SLC37A3: variants seen among roughly 807,000 people sequenced by gnomAD.
SLC37A3 encodes the protein sugar phosphate exchanger 3.
Under a neutral mutation model 67.1 loss-of-function variants are expected in SLC37A3, and 51 were observed. The observed-to-expected ratio is 0.76, with a 90% CI of 0.61 to 0.96. The LOEUF (loss-of-function observed/expected upper bound fraction) is 0.96. Among genes scored for constraint, SLC37A3 ranks in the 40% least tolerant of loss-of-function variants. The pLI is 0.00. For synonymous variants in SLC37A3, 214 were observed against 231.4 expected (o/e 0.92, Z 0.68); for missense variants, 508 against 603.0 (o/e 0.84, Z 1.65).
intron 1 of SLC37A3, among the ~76,000 whole-genome samples, chr7:140,393,765 T>C (rs1214303496): frequency 1.3e-5 from 2 of 152,206 alleles, no homozygotes; most frequent in African/African-American, 2.4e-5. Context: ...TCTGGTTTAA[T>C]TGTTTCCATG....
intron 13 of SLC37A3, among the ~76,000 whole-genome samples, chr7:140,343,087 C>T (rs1293761188): frequency 6.6e-6 from 1 of 152,120 alleles, no homozygotes; most frequent in African/African-American, 2.4e-5. Flanking sequence ...GCACCCCCCA[C>T]CACGGAATAC....
intron 5 of SLC37A3, 122 bp downstream of exon 5, chr7:140,364,286 G>T: frequency 1.1e-6 from 1 of 892,874 alleles, no homozygotes; most frequent in Non-Finnish European, 1.6e-6. Flanking sequence ...AAGTGAAAAG[G>T]CAAATGAGGG....
chr7:140,359,928 C>G (rs556446880), intron 5 of SLC37A3, among the ~76,000 whole-genome samples: 3 of 152,088 alleles, frequency 2.0e-5, no homozygotes, highest in Non-Finnish European at 4.4e-5. Context: ...AAAGTCTGTA[C>G]ACAGGTTTTA....
chr7:140,386,978 T>G (rs989247211), intron 1 of SLC37A3: 3 of 152,198 alleles, frequency 2.0e-5, no homozygotes, highest in Non-Finnish European at 4.4e-5. Context: ...AACATTATAG[T>G]ATTTTTAATT....
intron 8 of SLC37A3, 47 bp from the exon 9 acceptor site, chr7:140,351,498 T>G: frequency 6.4e-7 from 1 of 1,572,912 alleles, no homozygotes; most frequent in Non-Finnish European, 8.7e-7. Context: ...CTACCACGTG[T>G]GAAGGGCTCT....
At chr7:140,371,172 TTTTA>T (rs888905013) in intron 3 of SLC37A3, among the ~76,000 whole-genome samples, 4 of 152,070 alleles carry the variant, frequency 2.6e-5, no homozygotes, top group African/African-American at 4.8e-5. Context: ...TTCTTTCTAT[TTTTA>T]TTTATTTATT....
chr7:140,391,125 C>G (rs1316553075), intron 1 of SLC37A3, among the ~76,000 whole-genome samples: 3 of 152,188 alleles, frequency 2.0e-5, no homozygotes, highest in Non-Finnish European at 4.4e-5. Context: ...TCACACTTCT[C>G]TTTTTAAACT....
intron 9 of SLC37A3, 38 bp from the exon 10 acceptor site, chr7:140,348,805 T>C (rs770493411): frequency 6.2e-7 from 1 of 1,606,396 alleles, no homozygotes; most frequent in South Asian, 1.1e-5. Flanking sequence ...GAGGGACAAA[T>C]AGCACAGCAC....
chr7:140,396,724 T>C (rs1197536000), intron 1 of SLC37A3, among the ~76,000 whole-genome samples: 1 of 152,150 alleles, frequency 6.6e-6, no homozygotes, highest in Non-Finnish European at 1.5e-5. Flanking sequence ...CAAGATACTG[T>C]TGACTTAACT....
intron 4 of SLC37A3, among the ~76,000 whole-genome samples, chr7:140,368,015 T>C (rs998150906): frequency 1.3e-5 from 2 of 151,988 alleles, no homozygotes; most frequent in Non-Finnish European, 1.5e-5. Flanking sequence ...GGTTTCTTCA[T>C]GCTGGCCAGG....
At chr7:140,362,424 G>GT (rs1287372096) in intron 5 of SLC37A3, among the ~76,000 whole-genome samples, 2 of 147,276 alleles carry the variant, frequency 1.4e-5, no homozygotes, top group Non-Finnish European at 3.0e-5. Context: ...GAGGTGGGGG[G>GT]GGGGGTCAGC....
chr7:140,339,991 G>A (rs1796295266), intron 13 of SLC37A3, among the ~76,000 whole-genome samples: 1 of 152,016 alleles, frequency 6.6e-6, no homozygotes, highest in Admixed American at 6.6e-5. Flanking sequence ...GCCCGCCTCG[G>A]CCTCCCAGAG....
At position 140,334,585 on chromosome 7, in the gene SLC37A3, T is replaced by A. The variant is rs922951665; in HGVS notation, c.*827A>T. 2.0e-5 allele frequency: 3 copies of A among 152,514 alleles called. No homozygotes were observed. Among genetic ancestry groups the A allele is most frequent in the Admixed American group, 6.5e-5 (1 of 15,270 alleles). 9.4% of individuals were successfully genotyped at this position (152,514 alleles called of 1,614,324 possible). On this transcript the variant is annotated 3_prime_UTR_variant, in exon 15 of 15. Coordinates refer to ENST00000326232, the MANE Select transcript of SLC37A3 (RefSeq NM_207113.3). ...CCCAGACAACAAATCTGGGATGGAG[T>A]GCTTCGGCTGTGAGTTACACGTCGG... is the stretch of plus-strand genomic sequence containing the variant.
intron 6 of SLC37A3, among the ~76,000 whole-genome samples, chr7:140,356,547 T>C (rs1488870949): frequency 4.0e-5 from 6 of 151,800 alleles, no homozygotes; most frequent in African/African-American, 1.5e-4. Flanking sequence ...CTGCACATGG[T>C]GGCTGCACAC....
intron 3 of SLC37A3, among the ~76,000 whole-genome samples, chr7:140,375,047 G>A (rs1346811398): frequency 9.4e-6 from 1 of 106,834 alleles, no homozygotes; most frequent in Non-Finnish European, 2.1e-5. Flanking sequence ...TTGGGAGGCT[G>A]AGGCAGAAGA....
intron 1 of SLC37A3, among the ~76,000 whole-genome samples, chr7:140,389,718 C>G (rs1270155100): frequency 6.6e-6 from 1 of 152,200 alleles, no homozygotes; most frequent in Non-Finnish European, 1.5e-5. Context: ...ACTGCAGCAA[C>G]ACGTCCAGGT....
intron 13 of SLC37A3, among the ~76,000 whole-genome samples, chr7:140,340,420 C>T (rs1796314963): frequency 6.6e-6 from 1 of 151,846 alleles, no homozygotes; most frequent in Non-Finnish European, 1.5e-5. Flanking sequence ...TCCTGGCACC[C>T]TTGTCAAAAA....
chr7:140,394,826 C>T (rs1158241352), intron 1 of SLC37A3, among the ~76,000 whole-genome samples: 2 of 150,670 alleles, frequency 1.3e-5, no homozygotes, highest in African/African-American at 4.9e-5. Context: ...CAAGGCTGGT[C>T]TCGAACCCCT....
At chr7:140,346,366 C>T (rs141938811) in intron 10 of SLC37A3, among the ~76,000 whole-genome samples, 90 of 151,868 alleles carry the variant, frequency 5.9e-4, no homozygotes, top group African/African-American at 2.1e-3. Flanking sequence ...GGTGACAGAG[C>T]GAGACTCTGT....
Sources: allele counts gnomAD v4.1 joint callset (sites outside exome capture counted in the v4.1 genomes callset), GRCh38; gene constraint gnomAD v4.1.1; transcripts MANE v1.5; gene names NCBI Gene and HGNC (gene_info 2026-07-23, HGNC 2026-07-21).